The following CNTN5 variants were observed in gnomAD, a reference collection of about 807,000 sequenced individuals.
CNTN5 encodes contactin 5, also known as contactin-5.
In CNTN5, 77 loss-of-function variants were observed where a neutral mutation model predicts 129.1. That is an observed-to-expected ratio of 0.60 (90% CI 0.50 to 0.72). The LOEUF is 0.72. CNTN5 is among the 30% of genes least tolerant of loss of function. CNTN5 has a pLI of 0.00. For synonymous variants in CNTN5, 509 were observed against 465.6 expected, an observed-to-expected ratio of 1.09 and a Z score of -1.20; for missense variants, 1,478 against 1,328.8, an observed-to-expected ratio of 1.11 and a Z score of -1.75.
chr11:99,070,540 G>T (rs746904264), intron 1 of CNTN5, among the ~76,000 whole-genome samples: 139 of 149,650 alleles, frequency 9.3e-4, no homozygotes, highest in Admixed American at 1.7e-3. Flanking sequence ...AAAAAAAAAA[G>T]ATAGATGGAC....
chr11:99,250,300 A>C (rs1345558506), intron 1 of CNTN5, among the ~76,000 whole-genome samples: 1 of 152,078 alleles, frequency 6.6e-6, no homozygotes, highest in Middle Eastern at 3.4e-3. Context: ...TCTTCCTTTA[A>C]TGTTGGAATC....
intron 3 of CNTN5, among the ~76,000 whole-genome samples, chr11:99,733,581 T>C (rs1223327250): frequency 2.0e-5 from 3 of 152,018 alleles, no homozygotes; most frequent in Non-Finnish European, 4.4e-5. Context: ...CTAATATGGG[T>C]ATTATCCCCA....
At chr11:100,030,694 CTCTT>C (rs113485440) in intron 9 of CNTN5, among the ~76,000 whole-genome samples, 10,660 of 152,188 alleles carry the variant, frequency 0.07, 466 homozygotes, top group East Asian at 0.16. Context: ...AATATTTTCT[CTCTT>C]TCTAGCTAGA....
At chr11:99,954,067 GTT>G (rs1287979387) in intron 7 of CNTN5, among the ~76,000 whole-genome samples, 2 of 152,020 alleles carry the variant, frequency 1.3e-5, no homozygotes, top group Admixed American at 6.6e-5. Context: ...TGGCTAGCCG[GTT>G]TTCCCAACAC....
At chr11:99,978,265 C>A (rs2137342370) in intron 8 of CNTN5, among the ~76,000 whole-genome samples, 1 of 152,164 alleles carries the variant, frequency 6.6e-6, no homozygotes, top group African/African-American at 2.4e-5. Flanking sequence ...ATGAAAGAGT[C>A]AAAAAGTTAA....
chr11:99,491,048 G>C (rs1000787512), intron 2 of CNTN5, among the ~76,000 whole-genome samples: 1 of 152,046 alleles, frequency 6.6e-6, no homozygotes, highest in Non-Finnish European at 1.5e-5. Flanking sequence ...AGCACAGCAC[G>C]GATACACTAC....
intron 8 of CNTN5, among the ~76,000 whole-genome samples, chr11:99,969,666 C>G (rs1951195559): frequency 6.6e-6 from 1 of 152,120 alleles, no homozygotes; most frequent in Admixed American, 6.5e-5. Context: ...ATGTACAAAG[C>G]TGCAAATATT....
chr11:99,760,078 T>A (rs1326418203), intron 3 of CNTN5, among the ~76,000 whole-genome samples: 1 of 152,148 alleles, frequency 6.6e-6, no homozygotes. Context: ...AGTAGTGAGA[T>A]GAAACATGCA....
chr11:100,018,844 CT>C (rs1406845303), intron 9 of CNTN5, among the ~76,000 whole-genome samples: 1 of 151,896 alleles, frequency 6.6e-6, no homozygotes, highest in East Asian at 1.9e-4. Context: ...CTTGGTTAAT[CT>C]GTAATTATGC....
At chr11:99,107,357 A>T (rs1431497260) in intron 1 of CNTN5, among the ~76,000 whole-genome samples, 2 of 152,166 alleles carry the variant, frequency 1.3e-5, no homozygotes, top group Non-Finnish European at 2.9e-5. Flanking sequence ...TGGTTTTTTT[A>T]AAATAGATTT....
intron 1 of CNTN5, among the ~76,000 whole-genome samples, chr11:99,165,018 C>T (rs991016845): frequency 1.3e-5 from 2 of 152,100 alleles, no homozygotes; most frequent in South Asian, 2.1e-4. Context: ...TTAATTTCTT[C>T]AATTTTTTTT....
chr11:99,296,652 G>A (rs2135934567), intron 1 of CNTN5, among the ~76,000 whole-genome samples: 1 of 152,250 alleles, frequency 6.6e-6, no homozygotes, highest in East Asian at 1.9e-4. Context: ...TTTTAGGGTG[G>A]AGCCCTTGGA....
chr11:100,247,413 G>A (rs1160340876), intron 16 of CNTN5, among the ~76,000 whole-genome samples: 1 of 152,162 alleles, frequency 6.6e-6, no homozygotes, highest in East Asian at 1.9e-4. Context: ...GGTATAAAGG[G>A]TTGGTTACTC....
chr11:99,761,589 A>G (rs1405281340), intron 3 of CNTN5, among the ~76,000 whole-genome samples: 2 of 152,112 alleles, frequency 1.3e-5, no homozygotes, highest in African/African-American at 4.8e-5. Context: ...TACAAAGGAC[A>G]TGAACTCATC....
intron 2 of CNTN5, among the ~76,000 whole-genome samples, chr11:99,342,959 T>C (rs1463817947): frequency 2.0e-5 from 3 of 151,968 alleles, no homozygotes; most frequent in Non-Finnish European, 4.4e-5. Context: ...AACTGAGATA[T>C]ACAAAACAAA....
At chr11:99,687,675 T>C (rs1310027192) in intron 3 of CNTN5, among the ~76,000 whole-genome samples, 4 of 152,190 alleles carry the variant, frequency 2.6e-5, no homozygotes, top group Admixed American at 6.5e-5. Flanking sequence ...GGTGGCTCAG[T>C]GATAATTGAT....
At chr11:99,411,632 C>T (rs1191450261) in intron 2 of CNTN5, among the ~76,000 whole-genome samples, 2 of 152,112 alleles carry the variant, frequency 1.3e-5, no homozygotes, top group Admixed American at 1.3e-4. Context: ...GGAGAACTTC[C>T]ACCCAGGAGA....
intron 8 of CNTN5, among the ~76,000 whole-genome samples, chr11:100,001,498 A>G (rs1251981562): frequency 2.0e-5 from 3 of 152,190 alleles, no homozygotes; most frequent in Non-Finnish European, 2.9e-5. Flanking sequence ...CTTTCATTAC[A>G]GTAATTTGAT....
intron 2 of CNTN5, among the ~76,000 whole-genome samples, chr11:99,531,164 A>C (rs1173777154): frequency 6.6e-6 from 1 of 152,196 alleles, no homozygotes; most frequent in African/African-American, 2.4e-5. Context: ...AGGTGGTCTC[A>C]GATGGAGATG....
Sources: gnomAD v4.1 joint callset for allele counts (sites outside exome capture counted in the v4.1 genomes callset) on GRCh38, gnomAD v4.1.1 for gene constraint, MANE v1.5 for transcripts, NCBI Gene and HGNC (gene_info 2026-07-23, HGNC 2026-07-21) for gene names.